Variants in ZNF324 observed in about 807,000 individuals in gnomAD.
The protein encoded by ZNF324 is zinc finger protein 324A.
ZNF324 carries 3 observed loss-of-function variants against 10.3 expected under a neutral mutation model. That is an observed-to-expected ratio of 0.29 (90% CI 0.13 to 0.75). The LOEUF (loss-of-function observed/expected upper bound fraction) is 0.75, where lower values mean the gene tolerates loss of function less well. ZNF324 is among the 30% of genes least tolerant of loss of function. The pLI, the probability that ZNF324 is intolerant of heterozygous loss-of-function variation, is 0.69. For missense variants in ZNF324, 763 were observed against 784.4 expected, an observed-to-expected ratio of 0.97 and a Z score of 0.33; for synonymous variants, 430 against 339.5, an observed-to-expected ratio of 1.27 and a Z score of -2.93.
In ZNF324 at chr19:58,470,728, T is replaced by C; in HGVS notation, c.239-3T>C. 1.9e-6 allele frequency: 3 copies of C among 1,614,182 alleles called. No individual in the cohort carries two copies. Among genetic ancestry groups the C allele is most frequent in the Non-Finnish European group, 2.5e-6 (3 of 1,180,026 alleles). ...CAGGCAACCACTGTTTCTCTGCCTT[T>C]AGGTTCCTGGAGTTTGACAGAGGAT... On this transcript the variant is annotated splice_polypyrimidine_tract_variant and splice_region_variant and intron_variant, in intron 3 of 3. Coordinates refer to ENST00000196482, the MANE Select transcript of ZNF324 (RefSeq NM_014347.3).
In ZNF324 at chr19:58,475,425, C is replaced by G. The variant is rs1451355002; in HGVS notation, c.*3271C>G. ...ATTCAAAGGTAAATAAACGGTTGAG[C>G]ATGTCCGATCAGCCTGGAGGGAAAC... On this transcript the variant is annotated 3_prime_UTR_variant, in exon 4 of 4. Coordinates refer to ENST00000196482, the MANE Select transcript of ZNF324 (RefSeq NM_014347.3). 2 of 152,240 alleles carry G rather than the reference C, an allele frequency of 1.3e-5. No homozygotes were observed. Among genetic ancestry groups the G allele is most frequent in the Non-Finnish European group, 2.9e-5 (2 of 68,052 alleles). 9.4% of individuals were successfully genotyped at this position (152,240 alleles called of 1,614,324 possible). A position where few individuals can be genotyped will look rare whatever the true frequency, so the allele number is the denominator to read the frequency against.
rs2053008297 is a variant in ZNF324, at chr19:58,469,400, C to G, written c.121+94C>G. 15 of 1,507,546 alleles carry G rather than the reference C, an allele frequency of 9.9e-6. No individual in the cohort carries two copies. The East Asian group carries it at 3.4e-4, about 34-fold the overall frequency. The allele number at this position is 1,507,546 out of a possible 1,614,324, so 93.4% of individuals were successfully genotyped here. Reference sequence around the variant, plus strand: ...CCTCCCTGGTGGCTGACGAGCAGGCCTATACCTTGCAGCCAGGAGCCATGT... The same window carrying G: ...CCTCCCTGGTGGCTGACGAGCAGGCGTATACCTTGCAGCCAGGAGCCATGT... On this transcript the variant is annotated intron_variant, in intron 2 of 3. Coordinates refer to ENST00000196482, the MANE Select transcript of ZNF324 (RefSeq NM_014347.3).
rs762578354 is a variant in ZNF324, at chr19:58,470,832, G to C, written c.340G>C (p.Gly114Arg). The C allele has an allele frequency of 6.2e-7, 1 of 1,614,074 alleles. No individual in the cohort carries two copies. Among genetic ancestry groups the C allele is most frequent in the Non-Finnish European group, 8.5e-7 (1 of 1,180,044 alleles). Residue 114 changes from glycine to arginine, a missense_variant, in exon 4 of 4, where the codon GGT becomes CGT. Transcript: ENST00000196482. Reference sequence around the variant, plus strand: ...GACTACTAGCGTCTTCCCTGTTGCCGGTGCCTGCCACAGTGTAAAAAGCCT... The same window carrying C: ...GACTACTAGCGTCTTCCCTGTTGCCCGTGCCTGCCACAGTGTAAAAAGCCT... The part of the protein sequence containing the change: ...GMTTSVFPVA[G>R]ACHSVKSLQR...
chr19:58,472,106 C>T lies in ZNF324; in HGVS notation c.1614C>T (p.Pro538=), dbSNP rs777962869. The T allele has an allele frequency of 5.0e-6, 8 of 1,594,472 alleles. No individual in the cohort carries two copies. In the African/African-American group the frequency reaches 1.1e-4, roughly 21 times the overall value. Reference sequence around the variant, plus strand: ...GTGCGCCAGCGAAGGAAACCGAGCCCACTCCCGCCTCGGGCCCAGCCGCCG... The same window carrying T: ...GTGCGCCAGCGAAGGAAACCGAGCCTACTCCCGCCTCGGGCCCAGCCGCCG... The part of the protein sequence containing the change: ...SEGAPAKETE[P]TPASGPAAVS... Residue 538 remains proline, a synonymous_variant, in exon 4 of 4, where the codon CCC becomes CCT. Transcript: ENST00000196482.
chr19:58,468,270 G>T, intron 1 of ZNF324: 4 of 984,674 alleles, frequency 4.1e-6, no homozygotes, highest in African/African-American at 1.7e-5. Context: ...AATGGGCAGG[G>T]ACTCAGCCAG....
chr19:58,469,104 A>G (rs886764808), intron 1 of ZNF324, 76 bp from the exon 2 acceptor site: 136 of 1,587,510 alleles, frequency 8.6e-5, no homozygotes, highest in Admixed American at 2.0e-4. Flanking sequence ...TCTTCTTCCA[A>G]TGTGGCCCAG....
intron 1 of ZNF324, among the ~76,000 whole-genome samples, chr19:58,468,935 A>G (rs2053004363): frequency 1.3e-5 from 2 of 152,222 alleles, no homozygotes; most frequent in Non-Finnish European, 1.5e-5. Flanking sequence ...CATACCTTAA[A>G]CTAAGCTTGT....
In ZNF324 at chr19:58,469,848, A is replaced by G; in HGVS notation, c.238+4A>G. On this transcript the variant is annotated splice_donor_region_variant and intron_variant, in intron 3 of 3. Transcript: ENST00000196482. ...ACCTACAGGAGGCGCAACCCTGGTG[A>G]GAGGGAGCTCAGGGTGGGGTGAATT... 6.3e-7 allele frequency: 1 copy of G among 1,594,758 alleles called. No homozygotes were observed. The highest frequency in any genetic ancestry group is 1.1e-5 in the South Asian group (1 of 87,828).
At position 58,472,069 on chromosome 19, in the gene ZNF324, C is replaced by T. The variant is rs945275650; in HGVS notation, c.1577C>T (p.Ala526Val). The T allele has an allele frequency of 8.7e-6, 14 of 1,603,930 alleles. No individual in the cohort carries two copies. Among genetic ancestry groups the T allele is most frequent in the African/African-American group, 1.3e-5 (1 of 75,020 alleles). ...LHPQARSVAG[A>V]SSEGAPAKET... ...CCCCAGGCCAGGTCTGTTGCCGGGGCATCATCAGAAGGTGCGCCAGCGAAG... is the reference window on the plus strand; with the variant it reads ...CCCCAGGCCAGGTCTGTTGCCGGGGTATCATCAGAAGGTGCGCCAGCGAAG... Residue 526 changes from alanine to valine, a missense_variant, in exon 4 of 4, where the codon GCA becomes GTA. Physicochemically the swap from Ala to Val is moderately conservative, Grantham distance 64 (BLOSUM62 0). Around this residue, in one of 3 missense-constraint regions of ZNF324, gnomAD observed 231 missense variants for 196.0 expected, o/e 1.18. Transcript: ENST00000196482.
At position 58,474,439 on chromosome 19, in the gene ZNF324, C is replaced by G. The variant is rs1048560975; in HGVS notation, c.*2285C>G. ...CCTTAGGCTGGGCTCAGTACCCTAC[C>G]TTGTCTTCCCACCAGCCGCCTCCCT... On this transcript the variant is annotated 3_prime_UTR_variant, in exon 4 of 4. Transcript: ENST00000196482. 6.6e-6 allele frequency: 1 copy of G among 152,104 alleles called. No individual in the cohort carries two copies. Among genetic ancestry groups the G allele is most frequent in the Non-Finnish European group, 1.5e-5 (1 of 68,052 alleles). The allele number at this position is 152,104 out of a possible 1,614,324, so 9.4% of individuals were successfully genotyped here.
intron 1 of ZNF324, chr19:58,467,477 G>C (rs2052991912): frequency 6.6e-6 from 1 of 152,298 alleles, no homozygotes. Context: ...CCCAGCTGCG[G>C]GTTCCGCTGG....
chr19:58,472,414 A>T lies in ZNF324; in HGVS notation c.*260A>T, dbSNP rs2053045169. On this transcript the variant is annotated 3_prime_UTR_variant, in exon 4 of 4. Coordinates refer to ENST00000196482, the MANE Select transcript of ZNF324 (RefSeq NM_014347.3). Reference sequence around the variant, plus strand: ...GCTGAACTCTAGTGGGGCCGAGACTATTCAGAGCCAGTAGGAGGCCGACAG... The same window carrying T: ...GCTGAACTCTAGTGGGGCCGAGACTTTTCAGAGCCAGTAGGAGGCCGACAG... 3.9e-6 allele frequency: 2 copies of T among 513,740 alleles called. No individual in the cohort carries two copies. Among genetic ancestry groups the T allele is most frequent in the Non-Finnish European group, 6.9e-6 (2 of 288,802 alleles). 31.8% of individuals were successfully genotyped at this position (513,740 alleles called of 1,614,324 possible). A position where few individuals can be genotyped will look rare whatever the true frequency, so the allele number is the denominator to read the frequency against.
rs2052988639 is a variant in ZNF324, at chr19:58,467,158, G to C, written c.-32G>C. ...CGGGTCCGGTTTCCAGGGGGTTCCT[G>C]GTGCTCGAGGCTGGCGGCGAGGAAG... On this transcript the variant is annotated 5_prime_UTR_variant, in exon 1 of 4. Transcript: ENST00000196482. The C allele has an allele frequency of 6.3e-6, 1 of 158,708 alleles. No individual in the cohort carries two copies. The highest frequency in any genetic ancestry group is 1.8e-4 in the South Asian group (1 of 5,456). 9.8% of individuals were successfully genotyped at this position (158,708 alleles called of 1,614,324 possible).
chr19:58,472,453 CTG>C lies in ZNF324; in HGVS notation c.*302_*303del, dbSNP rs2053045664. The C allele has an allele frequency of 2.3e-6, 1 of 426,076 alleles. No homozygotes were observed. The highest frequency in any genetic ancestry group is 4.7e-5 in the South Asian group (1 of 21,092). 26.4% of individuals were successfully genotyped at this position (426,076 alleles called of 1,614,324 possible). ...GGAGGCCGACAGTCACAGCACTGCACTGTGGTGCGGCTTCATGTGATATGACA... is the reference window on the plus strand; with the variant it reads ...GGAGGCCGACAGTCACAGCACTGCACTGGTGCGGCTTCATGTGATATGACA... On this transcript the variant is annotated 3_prime_UTR_variant, in exon 4 of 4. Coordinates refer to ENST00000196482, the MANE Select transcript of ZNF324 (RefSeq NM_014347.3).
chr19:58,471,340 G>C lies in ZNF324; in HGVS notation c.848G>C (p.Arg283Pro). The change falls in exon 4 of 4, where the codon CGG becomes CCG. Residue 283 changes from arginine (R) to proline (P), a missense_variant. Physicochemically the swap from Arg to Pro is moderately radical, Grantham distance 103 (BLOSUM62 -2). Transcript: ENST00000196482. ...LKHLRTHTGE[R>P]PYECAQCGKA... ...CACCTACGCACCCACACCGGGGAGC[G>C]GCCCTACGAGTGCGCCCAGTGCGGC... 3 of 1,614,030 alleles carry C rather than the reference G, an allele frequency of 1.9e-6. No individual in the cohort carries two copies. The highest frequency in any genetic ancestry group is 1.7e-6 in the Non-Finnish European group (2 of 1,180,006).
rs781295937 is a variant in ZNF324, at chr19:58,471,407, C to T, written c.915C>T (p.Arg305=). 6.2e-7 allele frequency: 1 copy of T among 1,612,888 alleles called. No homozygotes were observed. Among genetic ancestry groups the T allele is most frequent in the Non-Finnish European group, 8.5e-7 (1 of 1,179,482 alleles). ...CGTCGCACTTGACGCAGCACCAGCG[C>T]ATCCACAGCGGCGAGACGCCCTACG... is the stretch of plus-strand genomic sequence containing the variant. The part of the protein sequence containing the change: ...SQTSHLTQHQ[R]IHSGETPYAC... The change falls in exon 4 of 4, where the codon CGC becomes CGT. Residue 305 remains arginine, a synonymous_variant. Transcript: ENST00000196482.
At position 58,471,843 on chromosome 19, in the gene ZNF324, C is replaced by T. The variant is rs2053036699; in HGVS notation, c.1351C>T (p.Arg451Trp). Residue 451 changes from arginine (R) to tryptophan (W), a missense_variant, in exon 4 of 4, where the codon CGG (arginine) becomes TGG (tryptophan). By Grantham distance (101) the Arg-to-Trp change is moderately radical. This residue lies in a region of ZNF324 where 231 missense variants were observed against 196.0 expected (regional missense o/e 1.18). Transcript: ENST00000196482. ...TQHQLLHTGE[R>W]PFRCVDCGKA... ...GCACCAGCTCCTGCACACGGGCGAG[C>T]GGCCCTTCCGCTGCGTGGACTGTGG... 2.5e-6 allele frequency: 4 copies of T among 1,612,666 alleles called. No homozygotes were observed. Among genetic ancestry groups the T allele is most frequent in the Non-Finnish European group, 3.4e-6 (4 of 1,179,828 alleles).
intron 2 of ZNF324, 145 bp downstream of exon 2, chr19:58,469,451 A>G (rs2053008832): frequency 1.7e-6 from 2 of 1,189,906 alleles, no homozygotes; most frequent in Middle Eastern, 4.3e-4. Context: ...TCCTATAGAC[A>G]TGCAGTCTGG....
At chr19:58,469,095 C>T (rs1197516005) in intron 1 of ZNF324, 85 bp from the exon 2 acceptor site, 3 of 1,560,112 alleles carry the variant, frequency 1.9e-6, no homozygotes, top group East Asian at 2.2e-5. Flanking sequence ...CAAGACAATT[C>T]TTCTTCCAAT....
Sources: gnomAD v4.1 joint callset for allele counts (sites outside exome capture counted in the v4.1 genomes callset) on GRCh38, gnomAD v4.1.1 for gene constraint, gnomAD v4.1.1 regional missense constraint, MANE v1.5 for transcripts, NCBI Gene and HGNC (gene_info 2026-07-23, HGNC 2026-07-21) for gene names.